HIVEP1: variants seen among roughly 807,000 people sequenced by gnomAD.
HIVEP1 encodes the protein HIVEP zinc finger 1, also known as zinc finger protein 40.
HIVEP1 carries 36 observed loss-of-function variants against 180.0 expected under a neutral mutation model. The observed-to-expected ratio is 0.20, with a 90% CI of 0.15 to 0.26. The LOEUF (loss-of-function observed/expected upper bound fraction) is 0.26. Among genes scored for constraint, HIVEP1 ranks in the 10% least tolerant of loss-of-function variants. The probability of loss-of-function intolerance (pLI) is 1.00; values close to 1 mark genes in which losing one functional copy is unlikely to be tolerated. For synonymous variants in HIVEP1, 1,239 were observed against 1,239.0 expected (o/e 1.00, Z 0.00); for missense variants, 3,143 against 3,268.7 (o/e 0.96, Z 0.94).
chr6:12,196,533 T>G, the HIVEP1 span, among the ~76,000 whole-genome samples: 1 of 152,210 alleles, frequency 6.6e-6, no homozygotes, highest in Non-Finnish European at 1.5e-5. Context: ...CTGGAATATC[T>G]CCAAATAACT....
chr6:12,209,118 C>G, the HIVEP1 span, among the ~76,000 whole-genome samples: 9 of 152,310 alleles, frequency 5.9e-5, no homozygotes, highest in African/African-American at 2.2e-4. Context: ...CTCGGCAGGT[C>G]TCCTCTGGCC....
chr6:12,210,937 A>C, the HIVEP1 span, among the ~76,000 whole-genome samples: 1 of 152,024 alleles, frequency 6.6e-6, no homozygotes, highest in East Asian at 1.9e-4. Context: ...AAAAGTCATA[A>C]TGCCCGATAA....
At chr6:12,201,866 G>C in the HIVEP1 span, among the ~76,000 whole-genome samples, 2 of 152,126 alleles carry the variant, frequency 1.3e-5, no homozygotes, top group Admixed American at 1.3e-4. Flanking sequence ...AACAGTATAG[G>C]TTGGTTTTAT....
At chr6:12,051,016 A>ATATATATG (rs1554135669) in intron 2 of HIVEP1, among the ~76,000 whole-genome samples, 2 of 135,842 alleles carry the variant, frequency 1.5e-5, no homozygotes, top group African/African-American at 2.8e-5. Context: ...ATATATATAT[A>ATATATATG]TATATATATA....
Position 12,122,250 on chromosome 6 carries a change from A to G in HIVEP1, c.2455A>G (p.Lys819Glu), listed in dbSNP as rs1193810060. ...GAAGTCACCTTTCACCCCTACTGAA[A>G]AATCAAAGCAAGTGTTTCTTCTGTC... is the stretch of plus-strand genomic sequence containing the variant. ...IPKSPFTPTE[K>E]SKQVFLLSVP... is the part of the protein sequence containing the mutation. The change falls in exon 4 of 9, where the codon AAA becomes GAA. Residue 819 changes from lysine (K) to glutamate (E), a missense_variant. By Grantham distance (56) the Lys-to-Glu change is moderately conservative. Transcript: ENST00000379388. The G allele has an allele frequency of 6.2e-7, 1 of 1,614,240 alleles. No homozygotes were observed. The highest frequency in any genetic ancestry group is 1.1e-5 in the South Asian group (1 of 91,082).
At chr6:12,145,840 C>G (rs1267712664) in intron 7 of HIVEP1, among the ~76,000 whole-genome samples, 3 of 152,028 alleles carry the variant, frequency 2.0e-5, no homozygotes, top group Non-Finnish European at 2.9e-5. Context: ...TCTTCAGCTC[C>G]TTAGGATTGT....
Position 12,164,774 on chromosome 6 carries a change from CAAAT to C in HIVEP1, c.*318_*321del, listed in dbSNP as rs973047184. 12 of 183,812 alleles carry C rather than the reference CAAAT, an allele frequency of 6.5e-5. No homozygotes were observed. The East Asian group carries it at 7.6e-4, about 12-fold the overall frequency. The allele number at this position is 183,812 out of a possible 1,614,324, so 11.4% of individuals were successfully genotyped here. ...TTTGTGTTTAGTAAGGAAAACCTGTCAAATAAATCAAATGATTAAATTATATGTT... is the reference window on the plus strand; with the variant it reads ...TTTGTGTTTAGTAAGGAAAACCTGTCAAATCAAATGATTAAATTATATGTT... On this transcript the variant is annotated 3_prime_UTR_variant, in exon 9 of 9. Coordinates refer to ENST00000379388, the MANE Select transcript of HIVEP1 (RefSeq NM_002114.4).
At chr6:12,146,829 T>C (rs887952927) in intron 7 of HIVEP1, among the ~76,000 whole-genome samples, 5 of 152,104 alleles carry the variant, frequency 3.3e-5, no homozygotes, top group Admixed American at 3.3e-4. Flanking sequence ...ACAATTACTA[T>C]CGCCCAGGAG....
At chr6:12,179,691 G>A in the HIVEP1 span, among the ~76,000 whole-genome samples, 1 of 152,138 alleles carries the variant, frequency 6.6e-6, no homozygotes, top group South Asian at 2.1e-4. Flanking sequence ...TCACTTACAA[G>A]TAACAGTATC....
At chr6:12,057,456 T>G (rs1307192685) in intron 2 of HIVEP1, among the ~76,000 whole-genome samples, 1 of 152,226 alleles carries the variant, frequency 6.6e-6, no homozygotes, top group African/African-American at 2.4e-5. Flanking sequence ...TTTGGTAGTT[T>G]TGCATGTGAG....
At chr6:12,162,239 G>A (rs1343969192) in intron 8 of HIVEP1, among the ~76,000 whole-genome samples, 2 of 142,236 alleles carry the variant, frequency 1.4e-5, no homozygotes, top group African/African-American at 2.7e-5. Flanking sequence ...AAAAAAAAAC[G>A]TGACAGTGGC....
intron 2 of HIVEP1, among the ~76,000 whole-genome samples, chr6:12,073,759 G>A (rs1030064684): frequency 6.6e-6 from 1 of 152,150 alleles, no homozygotes; most frequent in Admixed American, 6.5e-5. Flanking sequence ...TCCTAAGTGA[G>A]TAGATATTAA....
At chr6:12,118,996 T>C (rs1211198922) in intron 3 of HIVEP1, among the ~76,000 whole-genome samples, 1 of 152,234 alleles carries the variant, frequency 6.6e-6, no homozygotes, top group Non-Finnish European at 1.5e-5. Flanking sequence ...TTGGCCAGCC[T>C]TCTCAGACTG....
intron 2 of HIVEP1, among the ~76,000 whole-genome samples, chr6:12,018,564 A>G (rs1261959325): frequency 6.6e-6 from 1 of 152,266 alleles, no homozygotes; most frequent in Non-Finnish European, 1.5e-5. Flanking sequence ...ATGGTGAGAA[A>G]TGAATAGTAT....
At chr6:12,070,467 C>T (rs1480729490) in intron 2 of HIVEP1, among the ~76,000 whole-genome samples, 1 of 152,118 alleles carries the variant, frequency 6.6e-6, no homozygotes, top group Non-Finnish European at 1.5e-5. Context: ...GCGGGTAGAT[C>T]ACTTGGGGTT....
chr6:12,093,418 G>A (rs1406558570), intron 3 of HIVEP1, among the ~76,000 whole-genome samples: 1 of 150,692 alleles, frequency 6.6e-6, no homozygotes, highest in Admixed American at 6.6e-5. Flanking sequence ...TCATTTTTTT[G>A]TATTTTTATT....
intron 2 of HIVEP1, among the ~76,000 whole-genome samples, chr6:12,037,244 A>G (rs78336525): frequency 6.6e-6 from 1 of 152,098 alleles, no homozygotes; most frequent in Admixed American, 6.5e-5. Context: ...TCATCTTTCA[A>G]AGTTCAGTAT....
intron 2 of HIVEP1, among the ~76,000 whole-genome samples, chr6:12,029,367 G>A (rs1768788739): frequency 1.3e-5 from 2 of 152,190 alleles, no homozygotes; most frequent in Admixed American, 6.5e-5. Context: ...GTGTTGCCGC[G>A]ATTGCTTTTT....
the HIVEP1 span, among the ~76,000 whole-genome samples, chr6:12,177,726 T>A: frequency 6.6e-6 from 1 of 152,316 alleles, no homozygotes; most frequent in Admixed American, 6.5e-5. Flanking sequence ...CCACAATGTG[T>A]CTTTCTAATA....
Sources: gnomAD v4.1 joint callset for allele counts (sites outside exome capture counted in the v4.1 genomes callset) on GRCh38, gnomAD v4.1.1 for gene constraint, MANE v1.5 for transcripts, NCBI Gene and HGNC (gene_info 2026-07-23, HGNC 2026-07-21) for gene names.